The following TTC29 variants were observed in gnomAD, a reference collection of about 807,000 sequenced individuals.
The protein encoded by TTC29 is tetratricopeptide repeat protein 29.
In TTC29, 49 loss-of-function variants were observed where a neutral mutation model predicts 58.1. The observed-to-expected ratio is 0.84, with a 90% confidence interval of 0.67 to 1.07. The LOEUF is 1.07. Among genes scored for constraint, TTC29 ranks in the 50% least tolerant of loss-of-function variants. The probability of loss-of-function intolerance (pLI) is 0.00; values close to 1 mark genes in which losing one functional copy is unlikely to be tolerated. For missense variants in TTC29, 582 were observed against 555.6 expected (o/e 1.05, Z -0.48); for synonymous variants, 209 against 196.8 (o/e 1.06, Z -0.52).
intron 10 of TTC29, among the ~76,000 whole-genome samples, chr4:146,817,192 C>T (rs902646560): frequency 6.6e-6 from 1 of 152,204 alleles, no homozygotes; most frequent in Admixed American, 6.5e-5. Flanking sequence ...CCCATTGTCT[C>T]AGCCCAAAAT....
intron 9 of TTC29, among the ~76,000 whole-genome samples, chr4:146,823,668 T>C (rs982007733): frequency 6.6e-6 from 1 of 152,226 alleles, no homozygotes; most frequent in Non-Finnish European, 1.5e-5. Flanking sequence ...GGGAATAGCA[T>C]TGAATCTATA....
chr4:146,860,749 C>T (rs974929408), intron 8 of TTC29, among the ~76,000 whole-genome samples: 6 of 152,086 alleles, frequency 3.9e-5, no homozygotes, highest in African/African-American at 1.4e-4. Flanking sequence ...ACCAACAAAC[C>T]GTGGGAAGTA....
intron 9 of TTC29, among the ~76,000 whole-genome samples, chr4:146,831,434 T>A (rs1367514603): frequency 6.6e-6 from 1 of 152,138 alleles, no homozygotes; most frequent in East Asian, 1.9e-4. Flanking sequence ...TTACTTGGCA[T>A]AAAAGTAAAA....
chr4:146,811,163 T>G (rs758094918), intron 10 of TTC29, among the ~76,000 whole-genome samples: 6 of 152,170 alleles, frequency 3.9e-5, no homozygotes, highest in Non-Finnish European at 8.8e-5. Context: ...TTAGTCAGTG[T>G]CACCTCTATT....
At chr4:146,793,528 T>G (rs1579686727) in intron 11 of TTC29, among the ~76,000 whole-genome samples, 2 of 152,270 alleles carry the variant, frequency 1.3e-5, no homozygotes, top group African/African-American at 4.8e-5. Flanking sequence ...TAAAGTGCAG[T>G]GTAAGCATAA....
chr4:146,903,544 C>A lies in TTC29; in HGVS notation c.586G>T (p.Gly196Cys). The A allele has an allele frequency of 6.3e-7, 1 of 1,597,596 alleles. No individual in the cohort carries two copies. Among genetic ancestry groups the A allele is most frequent in the Non-Finnish European group, 8.5e-7 (1 of 1,171,722 alleles). ...MHMGLLYEED[G>C]QLLEAAEHYE... ...GGCATCCTGGCAAATGCCCACTCAC[C>A]ATCTTCCTCGTAGAGAAGACCCATA... Residue 196 changes from glycine (G) to cysteine (C), a missense_variant and splice_region_variant, in exon 6 of 13, where the codon GGT (glycine) becomes TGT (cysteine). Coordinates refer to ENST00000325106, the MANE Select transcript of TTC29 (RefSeq NM_031956.4).
At chr4:146,803,836 G>T (rs1750413446) in intron 10 of TTC29, among the ~76,000 whole-genome samples, 151 bp from the exon 11 acceptor site, 1 of 152,138 alleles carries the variant, frequency 6.6e-6, no homozygotes, top group African/African-American at 2.4e-5. Context: ...CAGGCTATTA[G>T]GATAAGTTTC....
chr4:146,915,422 C>A (rs1347762402), intron 4 of TTC29, among the ~76,000 whole-genome samples: 4 of 151,946 alleles, frequency 2.6e-5, no homozygotes, highest in African/African-American at 4.8e-5. Flanking sequence ...TTGTGACTCC[C>A]CCAGAAAATC....
chr4:146,880,865 A>G (rs1292612078), intron 6 of TTC29, among the ~76,000 whole-genome samples: 1 of 152,118 alleles, frequency 6.6e-6, no homozygotes, highest in Non-Finnish European at 1.5e-5. Flanking sequence ...TGCGCCCGTA[A>G]GCTACGAACA....
chr4:146,915,799 T>C (rs968176933), intron 4 of TTC29, among the ~76,000 whole-genome samples: 1 of 151,894 alleles, frequency 6.6e-6, no homozygotes, highest in African/African-American at 2.4e-5. Flanking sequence ...AACTGAATTA[T>C]GGAATCAAGA....
Position 146,707,122 on chromosome 4 carries a change from A to T in TTC29, c.*36T>A. The T allele has an allele frequency of 6.7e-7, 1 of 1,495,910 alleles. No individual in the cohort carries two copies. The highest frequency in any genetic ancestry group is 9.0e-7 in the Non-Finnish European group (1 of 1,111,362). The allele number at this position is 1,495,910 out of a possible 1,614,324, so 92.7% of individuals were successfully genotyped here. On this transcript the variant is annotated 3_prime_UTR_variant, in exon 13 of 13. Transcript: ENST00000325106. ...ATTGAAGTCTAAGGTGACATGATGGATTTCTTCTTGCTTTGATGTTAAGTG... is the reference window on the plus strand; with the variant it reads ...ATTGAAGTCTAAGGTGACATGATGGTTTTCTTCTTGCTTTGATGTTAAGTG...
At chr4:146,736,324 AG>A (rs1268995594) in intron 11 of TTC29, among the ~76,000 whole-genome samples, 2 of 152,118 alleles carry the variant, frequency 1.3e-5, no homozygotes, top group African/African-American at 2.4e-5. Flanking sequence ...AAGGGCTGAT[AG>A]GATTATGAAA....
intron 11 of TTC29, among the ~76,000 whole-genome samples, chr4:146,790,312 C>T (rs1383014373): frequency 6.6e-6 from 1 of 152,024 alleles, no homozygotes; most frequent in Non-Finnish European, 1.5e-5. Flanking sequence ...CCTCAGCCTC[C>T]TAAGTAGCTG....
At chr4:146,755,410 C>A (rs1483883018) in intron 11 of TTC29, among the ~76,000 whole-genome samples, 1 of 152,060 alleles carries the variant, frequency 6.6e-6, no homozygotes, top group Non-Finnish European at 1.5e-5. Context: ...TTCTGAATAG[C>A]CAAAACAATT....
intron 6 of TTC29, among the ~76,000 whole-genome samples, chr4:146,893,595 G>A (rs1307822053): frequency 6.6e-6 from 1 of 152,102 alleles, no homozygotes; most frequent in African/African-American, 2.4e-5. Flanking sequence ...AGAAAACCTA[G>A]GCAATACCAT....
At chr4:146,853,181 G>A (rs113249350) in intron 8 of TTC29, among the ~76,000 whole-genome samples, 14 of 151,758 alleles carry the variant, frequency 9.2e-5, no homozygotes, top group African/African-American at 9.7e-5. Context: ...ATCAATATAC[G>A]TTAATTGTAG....
chr4:146,738,803 G>A (rs192764801), intron 11 of TTC29, among the ~76,000 whole-genome samples: 3 of 152,178 alleles, frequency 2.0e-5, no homozygotes, highest in Admixed American at 2.0e-4. Context: ...GGGAAGGAAC[G>A]CTGACGTCAT....
intron 11 of TTC29, among the ~76,000 whole-genome samples, chr4:146,742,946 G>T (rs1276899832): frequency 1.3e-5 from 2 of 151,964 alleles, no homozygotes; most frequent in African/African-American, 4.8e-5. Flanking sequence ...TAAGGCAACA[G>T]AAAACGCAAT....
intron 9 of TTC29, among the ~76,000 whole-genome samples, chr4:146,833,483 G>A (rs775739077): frequency 4.6e-5 from 7 of 152,266 alleles, no homozygotes; most frequent in Admixed American, 2.0e-4. Flanking sequence ...CCACTGAAGC[G>A]TACTACATAT....
Sources: gnomAD v4.1 joint callset for allele counts (sites outside exome capture counted in the v4.1 genomes callset) on GRCh38, gnomAD v4.1.1 for gene constraint, MANE v1.5 for transcripts, NCBI Gene and HGNC (gene_info 2026-07-23, HGNC 2026-07-21) for gene names.